The following WWC2 variants were observed in gnomAD, a reference collection of about 807,000 sequenced individuals.
WWC2 encodes the protein protein WWC2.
A neutral mutation model predicts 138.5 loss-of-function variants in WWC2; 101 were observed. The ratio of observed to expected loss-of-function variants is 0.73; its 90% CI spans 0.62 to 0.86. The LOEUF (loss-of-function observed/expected upper bound fraction) is 0.86. Among genes scored for constraint, WWC2 ranks in the 40% least tolerant of loss-of-function variants. The pLI, the probability that WWC2 is intolerant of heterozygous loss-of-function variation, is 0.00. For missense variants in WWC2, 1,420 were observed against 1,419.4 expected, an observed-to-expected ratio of 1.00 and a Z score of -0.01; for synonymous variants, 558 against 538.4, an observed-to-expected ratio of 1.04 and a Z score of -0.50.
At chr4:183,135,284 G>A (rs7691976) in intron 1 of WWC2, among the ~76,000 whole-genome samples, 11,003 of 151,928 alleles carry the variant, frequency 0.072, 728 homozygotes, top group African/African-American at 0.17. Context: ...GTTCATATAT[G>A]TTTCTACTGT....
chr4:183,259,214 T>C (rs1737246180), intron 9 of WWC2, among the ~76,000 whole-genome samples: 1 of 152,168 alleles, frequency 6.6e-6, no homozygotes, highest in South Asian at 2.1e-4. Context: ...CGTTACTAAA[T>C]TCGGTATTTA....
At chr4:183,106,091 A>G (rs370107462) in intron 1 of WWC2, among the ~76,000 whole-genome samples, 22 of 151,514 alleles carry the variant, frequency 1.5e-4, no homozygotes, top group African/African-American at 4.8e-4. Flanking sequence ...GGTTCAAGCA[A>G]TTCTGCCTCA....
intron 1 of WWC2, among the ~76,000 whole-genome samples, chr4:183,150,911 G>A (rs1244203988): frequency 6.6e-6 from 1 of 152,082 alleles, no homozygotes; most frequent in Non-Finnish European, 1.5e-5. Context: ...GTGTATATGT[G>A]CCACATTTTC....
intron 9 of WWC2, among the ~76,000 whole-genome samples, chr4:183,256,778 A>G (rs547421902): frequency 1.3e-5 from 2 of 150,920 alleles, no homozygotes; most frequent in South Asian, 2.1e-4. Context: ...TGGGGTTCCC[A>G]TTATTTCAGG....
intron 2 of WWC2, among the ~76,000 whole-genome samples, chr4:183,198,590 C>T (rs528497283): frequency 4.9e-4 from 75 of 151,748 alleles, no homozygotes; most frequent in African/African-American, 1.7e-3. Context: ...AAATTTTTTG[C>T]ACCATGATAT....
chr4:183,117,998 C>T (rs1310100651), intron 1 of WWC2, among the ~76,000 whole-genome samples: 1 of 151,906 alleles, frequency 6.6e-6, no homozygotes. Flanking sequence ...CGGGGTTTCG[C>T]CATGTTGGCC....
At chr4:183,198,600 T>C (rs1030372464) in intron 2 of WWC2, among the ~76,000 whole-genome samples, 2 of 151,856 alleles carry the variant, frequency 1.3e-5, no homozygotes, top group African/African-American at 4.8e-5. Context: ...CACCATGATA[T>C]CAATTCTTTT....
chr4:183,111,329 T>TG (rs1183177545), intron 1 of WWC2, among the ~76,000 whole-genome samples: 2 of 152,214 alleles, frequency 1.3e-5, no homozygotes, highest in Non-Finnish European at 2.9e-5. Flanking sequence ...ATTGCATAAT[T>TG]GGTATGAAGT....
intron 1 of WWC2, among the ~76,000 whole-genome samples, chr4:183,135,034 C>A (rs911453409): frequency 6.6e-6 from 1 of 151,810 alleles, no homozygotes; most frequent in African/African-American, 2.4e-5. Flanking sequence ...TGGGTTCAAG[C>A]GATTCTCCTG....
intron 1 of WWC2, among the ~76,000 whole-genome samples, chr4:183,187,685 A>G (rs1734854056): frequency 6.6e-6 from 1 of 151,674 alleles, no homozygotes; most frequent in South Asian, 2.1e-4. Flanking sequence ...AGCCTGACCA[A>G]CACGGAGAAA....
At position 183,099,620 on chromosome 4, in the gene WWC2, C is replaced by G; in HGVS notation, c.129C>G (p.Asp43Glu). 3.7e-6 allele frequency: 5 copies of G among 1,341,368 alleles called. No homozygotes were observed. Among genetic ancestry groups the G allele is most frequent in the Non-Finnish European group, 4.9e-6 (5 of 1,029,722 alleles). 83.1% of individuals were successfully genotyped at this position (1,341,368 alleles called of 1,614,324 possible). Residue 43 changes from aspartate to glutamate, a missense_variant and splice_region_variant, in exon 1 of 23, where the codon GAC (aspartate) becomes GAG (glutamate). By Grantham distance (45) the Asp-to-Glu change is conservative (BLOSUM62 2). Transcript: ENST00000403733. ...TRRTSWIDPR[D>E]RLTKPLSFAD... ...GGACCAGCTGGATCGACCCCCGGGA[C>G]AGGTGGGCGCCGGCCGCGGGGGCGC...
chr4:183,119,976 T>A (rs1233184309), intron 1 of WWC2, among the ~76,000 whole-genome samples: 2 of 152,260 alleles, frequency 1.3e-5, no homozygotes, highest in Non-Finnish European at 2.9e-5. Context: ...ATTTATTTGT[T>A]ATTGGGTTTT....
At chr4:183,112,061 G>GAT (rs1554064865) in intron 1 of WWC2, among the ~76,000 whole-genome samples, 1 of 152,126 alleles carries the variant, frequency 6.6e-6, no homozygotes, top group Non-Finnish European at 1.5e-5. Context: ...CATAGCTAAT[G>GAT]ATATTTCTCA....
chr4:183,142,703 G>C (rs140723819), intron 1 of WWC2, among the ~76,000 whole-genome samples: 18 of 152,182 alleles, frequency 1.2e-4, no homozygotes, highest in African/African-American at 4.3e-4. Flanking sequence ...GAATACCCTT[G>C]CCCCCAGGCA....
At chr4:183,246,295 T>C (rs1736777249) in intron 6 of WWC2, among the ~76,000 whole-genome samples, 1 of 152,224 alleles carries the variant, frequency 6.6e-6, no homozygotes, top group Non-Finnish European at 1.5e-5. Flanking sequence ...TCTTATTTCG[T>C]ATATTTGGAG....
At chr4:183,115,625 G>A (rs1195964134) in intron 1 of WWC2, among the ~76,000 whole-genome samples, 1 of 152,122 alleles carries the variant, frequency 6.6e-6, no homozygotes, top group Non-Finnish European at 1.5e-5. Context: ...CAGTGATGTT[G>A]AGAATTTTTT....
At chr4:183,152,543 A>C (rs1283560873) in intron 1 of WWC2, among the ~76,000 whole-genome samples, 1 of 151,452 alleles carries the variant, frequency 6.6e-6, no homozygotes, top group Non-Finnish European at 1.5e-5. Context: ...AAAAAAAAAA[A>C]AAACGCACAC....
intron 3 of WWC2, among the ~76,000 whole-genome samples, 170 bp from the exon 4 acceptor site, chr4:183,208,779 G>A (rs1735512623): frequency 6.6e-6 from 1 of 152,126 alleles, no homozygotes; most frequent in African/African-American, 2.4e-5. Context: ...AATGGTAGAG[G>A]TTTGAAGATA....
chr4:183,262,935 A>C (rs1737377556), intron 11 of WWC2, among the ~76,000 whole-genome samples: 1 of 152,214 alleles, frequency 6.6e-6, no homozygotes. Context: ...TGGGGTTGCT[A>C]CAGTAATCCT....
Sources: allele counts gnomAD v4.1 joint callset (sites outside exome capture counted in the v4.1 genomes callset), GRCh38; gene constraint gnomAD v4.1.1; transcripts MANE v1.5; gene names NCBI Gene and HGNC (gene_info 2026-07-23, HGNC 2026-07-21).